The following PHTF1 variants were observed in gnomAD, a reference collection of about 807,000 sequenced individuals.
The protein encoded by PHTF1 is protein PHTF1.
Under a neutral mutation model 102.4 loss-of-function variants are expected in PHTF1, and 88 were observed. That is an observed-to-expected ratio of 0.86 (90% CI 0.72 to 1.03). PHTF1 has a LOEUF of 1.03. Ranked by LOEUF, PHTF1 falls within the 50% of genes least tolerant of loss-of-function variation. PHTF1 has a pLI of 0.00. For missense variants in PHTF1, 814 were observed against 909.5 expected, an observed-to-expected ratio of 0.89 and a Z score of 1.35; for synonymous variants, 289 against 305.2, an observed-to-expected ratio of 0.95 and a Z score of 0.55.
At chr1:113,750,286 CTGTCATCTTTAATGAGGAG>C (rs1318039985) in intron 3 of PHTF1, among the ~76,000 whole-genome samples, 2 of 152,116 alleles carry the variant, frequency 1.3e-5, no homozygotes, top group African/African-American at 4.8e-5. Flanking sequence ...TGGCCTCAAA[CTGTCATCTTTAATGAGGAG>C]TGTCAGTGTC....
intron 8 of PHTF1, 140 bp from the exon 9 acceptor site, chr1:113,712,253 ATTAC>A: frequency 1.6e-6 from 1 of 620,626 alleles, no homozygotes; most frequent in Non-Finnish European, 2.8e-6. Context: ...AAATCCATAT[ATTAC>A]TTAATCTCAA....
chr1:113,704,891 TAA>T, intron 13 of PHTF1, 94 bp from the exon 14 acceptor site: 1 of 897,620 alleles, frequency 1.1e-6, no homozygotes, highest in Non-Finnish European at 1.7e-6. Flanking sequence ...ACAAAAATAT[TAA>T]AAAGAATGAA....
At chr1:113,717,484 A>G (rs1178723767) in intron 7 of PHTF1, among the ~76,000 whole-genome samples, 1 of 152,238 alleles carries the variant, frequency 6.6e-6, no homozygotes, top group Non-Finnish European at 1.5e-5. Context: ...AACAAACTTT[A>G]TAAAAGATAC....
chr1:113,727,316 T>C (rs1211348342), intron 5 of PHTF1, among the ~76,000 whole-genome samples: 2 of 152,168 alleles, frequency 1.3e-5, no homozygotes, highest in Non-Finnish European at 2.9e-5. Flanking sequence ...AATGTAAATA[T>C]AAATTTGCCA....
At chr1:113,699,924 G>C in intron 16 of PHTF1, 125 bp from the exon 17 acceptor site, 1 of 681,702 alleles carries the variant, frequency 1.5e-6, no homozygotes, top group Non-Finnish European at 2.4e-6. Context: ...AATAGCTATC[G>C]CTACAGAGAA....
chr1:113,709,973 A>G (rs548732522), intron 11 of PHTF1, among the ~76,000 whole-genome samples: 3 of 152,332 alleles, frequency 2.0e-5, no homozygotes, highest in Non-Finnish European at 2.9e-5. Context: ...CTCTACTCAT[A>G]TAAAATATAA....
At position 113,706,582 on chromosome 1, in the gene PHTF1, A is replaced by C; in HGVS notation, c.1398+12T>G. Reference sequence around the variant, plus strand: ...TATTTTTTGAAAAATCTGAAAACATATTCAGTCTTACCCTGCTCATGATGA... The same window carrying C: ...TATTTTTTGAAAAATCTGAAAACATCTTCAGTCTTACCCTGCTCATGATGA... On this transcript the variant is annotated intron_variant, in intron 12 of 18. Transcript: ENST00000369604. 1 of 1,569,662 alleles carries C rather than the reference A, an allele frequency of 6.4e-7. No individual in the cohort carries two copies. The highest frequency in any genetic ancestry group is 8.6e-7 in the Non-Finnish European group (1 of 1,165,726).
At chr1:113,731,007 T>C (rs1207207804) in intron 5 of PHTF1, among the ~76,000 whole-genome samples, 1 of 152,000 alleles carries the variant, frequency 6.6e-6, no homozygotes, top group African/African-American at 2.4e-5. Context: ...CCAGGGACGA[T>C]GGGTAGGGGA....
At chr1:113,712,239 G>A in intron 8 of PHTF1, 126 bp from the exon 9 acceptor site, 2 of 654,502 alleles carry the variant, frequency 3.1e-6, no homozygotes, top group Non-Finnish European at 5.3e-6. Flanking sequence ...ACCCAAAACT[G>A]AACAAATCCA....
intron 5 of PHTF1, among the ~76,000 whole-genome samples, chr1:113,729,367 T>C (rs969134312): frequency 4.6e-5 from 7 of 152,190 alleles, no homozygotes; most frequent in Non-Finnish European, 7.3e-5. Flanking sequence ...CTATAGTCAA[T>C]AATTTAATTG....
chr1:113,743,803 G>A (rs970539279), intron 3 of PHTF1, among the ~76,000 whole-genome samples: 1 of 152,178 alleles, frequency 6.6e-6, no homozygotes, highest in Non-Finnish European at 1.5e-5. Context: ...GCACATGACT[G>A]TACTTAAGTT....
intron 5 of PHTF1, among the ~76,000 whole-genome samples, chr1:113,733,817 G>A (rs991577555): frequency 2.0e-5 from 3 of 152,266 alleles, no homozygotes; most frequent in African/African-American, 7.2e-5. Context: ...CTGAGAATGG[G>A]GGGTCCTACT....
chr1:113,706,106 A>G lies in PHTF1; in HGVS notation c.1455T>C (p.Ile485=). The G allele has an allele frequency of 6.2e-7, 1 of 1,614,016 alleles. No homozygotes were observed. Among genetic ancestry groups the G allele is most frequent in the South Asian group, 1.1e-5 (1 of 91,048 alleles). Residue 485 remains isoleucine (I), a synonymous_variant, in exon 13 of 19, where the codon ATT becomes ATC. Coordinates refer to ENST00000369604, the MANE Select transcript of PHTF1 (RefSeq NM_001323043.2). ...GYQMLGNVVT[I]GLAFFPFLHR... Reference sequence around the variant, plus strand: ...GTAAGAATGGAAAAAATGCTAATCCAATAGTGACAACATTTCCCAGCATCT... The same window carrying G: ...GTAAGAATGGAAAAAATGCTAATCCGATAGTGACAACATTTCCCAGCATCT...
intron 3 of PHTF1, among the ~76,000 whole-genome samples, chr1:113,750,782 G>A (rs908215590): frequency 1.3e-5 from 2 of 151,822 alleles, no homozygotes; most frequent in Non-Finnish European, 2.9e-5. Context: ...CTTGAACCTG[G>A]GAGGCGGAAG....
chr1:113,722,237 G>A (rs1256017524), intron 7 of PHTF1, among the ~76,000 whole-genome samples: 3 of 151,770 alleles, frequency 2.0e-5, no homozygotes, highest in Non-Finnish European at 2.9e-5. Flanking sequence ...GGATCACGAG[G>A]TCAGGAGATC....
chr1:113,739,260 C>A (rs1655978230), intron 3 of PHTF1, among the ~76,000 whole-genome samples: 1 of 152,136 alleles, frequency 6.6e-6, no homozygotes, highest in African/African-American at 2.4e-5. Flanking sequence ...AAGGAACTTG[C>A]CATTAATACA....
chr1:113,734,011 G>A (rs961021410), intron 5 of PHTF1, among the ~76,000 whole-genome samples: 11 of 152,204 alleles, frequency 7.2e-5, no homozygotes, highest in African/African-American at 2.2e-4. Context: ...TGTAATCCCA[G>A]CACTTTGGGA....
chr1:113,743,308 GATC>G, intron 3 of PHTF1, among the ~76,000 whole-genome samples: 1 of 151,770 alleles, frequency 6.6e-6, no homozygotes. Flanking sequence ...ATAGGGTCAG[GATC>G]ATCAATATCA....
rs545440084 is a variant in PHTF1, at chr1:113,721,850, C to T, written c.623+2909G>A. On this transcript the variant is annotated intron_variant, in intron 7 of 18. Coordinates refer to ENST00000369604, the MANE Select transcript of PHTF1 (RefSeq NM_001323043.2). Reference sequence around the variant, plus strand: ...GACTACAGGTGCCCGCCACCACGCCCGGCTAATTTTTTTTTTTGTATTTTT... The same window carrying T: ...GACTACAGGTGCCCGCCACCACGCCTGGCTAATTTTTTTTTTTGTATTTTT... 9.2e-5 allele frequency among the ~76,000 whole-genome samples: 14 copies of T among 151,890 alleles called. No homozygotes were observed. The South Asian group carries it at 1.9e-3, about 20-fold the overall frequency.
Sources: allele counts gnomAD v4.1 joint callset (sites outside exome capture counted in the v4.1 genomes callset), GRCh38; gene constraint gnomAD v4.1.1; transcripts MANE v1.5; gene names NCBI Gene and HGNC (gene_info 2026-07-23, HGNC 2026-07-21).